The following ARHGAP24 variants were observed in gnomAD, a reference collection of about 807,000 sequenced individuals.
The protein encoded by ARHGAP24 is rho GTPase-activating protein 24.
ARHGAP24 carries 50 observed loss-of-function variants against 76.4 expected under a neutral mutation model. The ratio of observed to expected loss-of-function variants is 0.65; its 90% confidence interval spans 0.52 to 0.83. ARHGAP24 has a LOEUF of 0.83. ARHGAP24 is among the 40% of genes least tolerant of loss of function. The pLI, the probability that ARHGAP24 is intolerant of heterozygous loss-of-function variation, is 0.00. For synonymous variants in ARHGAP24, 345 were observed against 323.3 expected (o/e 1.07, Z -0.72); for missense variants, 930 against 914.2 (o/e 1.02, Z -0.22).
intron 1 of ARHGAP24, among the ~76,000 whole-genome samples, chr4:85,496,053 C>T (rs1353085455): frequency 6.6e-6 from 1 of 152,176 alleles, no homozygotes; most frequent in Non-Finnish European, 1.5e-5. Context: ...GAATAGCGAA[C>T]TCTTTCTTTC....
At chr4:85,662,768 A>G (rs1285884958) in intron 2 of ARHGAP24, among the ~76,000 whole-genome samples, 2 of 152,210 alleles carry the variant, frequency 1.3e-5, no homozygotes, top group Non-Finnish European at 2.9e-5. Context: ...CATTTATTAA[A>G]CAGGGAATCC....
At chr4:85,957,218 C>T (rs928372640) in intron 5 of ARHGAP24, among the ~76,000 whole-genome samples, 6 of 152,276 alleles carry the variant, frequency 3.9e-5, no homozygotes, top group East Asian at 1.9e-4. Context: ...TTCCATATAA[C>T]GCCTGCACTA....
intron 2 of ARHGAP24, among the ~76,000 whole-genome samples, chr4:85,682,914 C>T (rs1723261509): frequency 6.6e-6 from 1 of 152,080 alleles, no homozygotes; most frequent in African/African-American, 2.4e-5. Flanking sequence ...CTTTCAAAGA[C>T]ACATAATATG....
chr4:85,921,902 G>A (rs561618089), intron 3 of ARHGAP24, among the ~76,000 whole-genome samples: 6 of 152,034 alleles, frequency 3.9e-5, no homozygotes, highest in African/African-American at 9.6e-5. Flanking sequence ...GTTCCATTCC[G>A]AAACCATCCC....
intron 2 of ARHGAP24, among the ~76,000 whole-genome samples, chr4:85,652,696 G>A (rs1333501344): frequency 6.6e-6 from 1 of 152,098 alleles, no homozygotes; most frequent in Non-Finnish European, 1.5e-5. Context: ...GAGAAGAGTG[G>A]AAATAGGATG....
chr4:85,865,623 T>C (rs1393858246), intron 3 of ARHGAP24, among the ~76,000 whole-genome samples: 2 of 149,278 alleles, frequency 1.3e-5, no homozygotes, highest in Non-Finnish European at 3.0e-5. Context: ...TTAGGGAATG[T>C]ACATTTTATT....
intron 1 of ARHGAP24, among the ~76,000 whole-genome samples, chr4:85,547,377 G>A (rs1055998768): frequency 6.6e-6 from 1 of 152,088 alleles, no homozygotes; most frequent in Non-Finnish European, 1.5e-5. Context: ...CAGAAGTGAT[G>A]TTGTGTTCTC....
intron 3 of ARHGAP24, among the ~76,000 whole-genome samples, chr4:85,870,994 GA>G (rs1732496253): frequency 6.6e-6 from 1 of 152,064 alleles, no homozygotes; most frequent in Non-Finnish European, 1.5e-5. Context: ...AATAAGAGGA[GA>G]AATTATCAAA....
chr4:85,486,420 C>T (rs1723052514), intron 1 of ARHGAP24, among the ~76,000 whole-genome samples: 1 of 152,154 alleles, frequency 6.6e-6, no homozygotes, highest in South Asian at 2.1e-4. Context: ...AAGATCTCCC[C>T]ATTGAGAAAC....
chr4:85,475,608 C>G (rs908866029), intron 1 of ARHGAP24, 49 bp downstream of exon 1: 1 of 147,566 alleles, frequency 6.8e-6, no homozygotes, highest in Non-Finnish European at 1.5e-5. Flanking sequence ...GCGGGAAGGA[C>G]GGACGCGGCT....
At chr4:85,527,014 G>A (rs1242248063) in intron 1 of ARHGAP24, among the ~76,000 whole-genome samples, 5 of 151,964 alleles carry the variant, frequency 3.3e-5, no homozygotes, top group African/African-American at 4.8e-5. Flanking sequence ...TTTGTTTATT[G>A]TGCATCAGCA....
chr4:85,949,330 A>G (rs1737467376), intron 5 of ARHGAP24, among the ~76,000 whole-genome samples: 1 of 152,220 alleles, frequency 6.6e-6, no homozygotes, highest in African/African-American at 2.4e-5. Context: ...TACCAAACCC[A>G]ATCCAAATGT....
intron 2 of ARHGAP24, among the ~76,000 whole-genome samples, chr4:85,605,353 A>G (rs1171105381): frequency 6.6e-6 from 1 of 152,188 alleles, no homozygotes; most frequent in Non-Finnish European, 1.5e-5. Context: ...TCCACAATGT[A>G]CCTCAAAACT....
chr4:85,656,533 T>G (rs1338298408), intron 2 of ARHGAP24, among the ~76,000 whole-genome samples: 1 of 152,168 alleles, frequency 6.6e-6, no homozygotes, highest in Non-Finnish European at 1.5e-5. Flanking sequence ...AGTGGCGTGA[T>G]CTTGGCTTAC....
At chr4:85,836,723 C>A (rs1420091836) in intron 3 of ARHGAP24, among the ~76,000 whole-genome samples, 3 of 152,126 alleles carry the variant, frequency 2.0e-5, no homozygotes, top group African/African-American at 7.2e-5. Flanking sequence ...TGGGAGAACC[C>A]AAGAAAATTC....
At chr4:85,654,064 T>C (rs894382595) in intron 2 of ARHGAP24, among the ~76,000 whole-genome samples, 2 of 152,136 alleles carry the variant, frequency 1.3e-5, no homozygotes, top group South Asian at 2.1e-4. Flanking sequence ...TTTAAACACA[T>C]TGTATTAGTC....
At chr4:85,584,600 AAGAAAAAAATCTATATCCCAAGGCT>A (rs1361801243) in intron 2 of ARHGAP24, among the ~76,000 whole-genome samples, 7 of 152,114 alleles carry the variant, frequency 4.6e-5, no homozygotes. Flanking sequence ...ATAATAATAA[AAGAAAAAAATCTATATCCCAAGGCT>A]AGCAATTGGC....
chr4:85,730,305 A>G (rs1725352164), intron 3 of ARHGAP24, among the ~76,000 whole-genome samples: 2 of 152,230 alleles, frequency 1.3e-5, no homozygotes, highest in Non-Finnish European at 2.9e-5. Context: ...ACACAAATTC[A>G]GGGAGTTATT....
chr4:85,636,013 AATT>A (rs976423193), intron 2 of ARHGAP24, among the ~76,000 whole-genome samples: 2 of 149,968 alleles, frequency 1.3e-5, no homozygotes, highest in Admixed American at 6.6e-5. Flanking sequence ...TTGCATAGCC[AATT>A]ATTTACTCTA....
Sources: gnomAD v4.1 joint callset for allele counts (sites outside exome capture counted in the v4.1 genomes callset) on GRCh38, gnomAD v4.1.1 for gene constraint, MANE v1.5 for transcripts, NCBI Gene and HGNC (gene_info 2026-07-23, HGNC 2026-07-21) for gene names.